The following OR3A2 variants were observed in gnomAD, a reference collection of about 807,000 sequenced individuals.
OR3A2 encodes the protein olfactory receptor family 3 subfamily A member 2.
For missense variants in OR3A2, 318 were observed against 392.8 expected (o/e 0.81, Z 1.61); for synonymous variants, 126 against 159.3 (o/e 0.79, Z 1.57).
At position 3,378,779 on chromosome 17, in the gene OR3A2, G is replaced by A. The variant is rs79581423; in HGVS notation, c.-179+5025C>T. ...TCTTGTTTAAATACCACTTCCCCCC[G>A]GAAGTTCTCCCTGAACACTCAAGCC... On this transcript the variant is annotated intron_variant, in intron 2 of 4. Transcript: ENST00000573491. 9.1e-3 allele frequency among the ~76,000 whole-genome samples: 1,384 copies of A among 152,170 alleles called. 24 individuals are homozygous for A. The highest frequency in any genetic ancestry group is 0.031 in the African/African-American group (1,294 of 41,498).
intron 2 of OR3A2, among the ~76,000 whole-genome samples, chr17:3,361,119 G>C (rs1441064144): frequency 6.6e-6 from 1 of 151,312 alleles, no homozygotes; most frequent in African/African-American, 2.5e-5. Flanking sequence ...AGTTCTCCTT[G>C]AAGAGGTCCT....
intron 3 of OR3A2, among the ~76,000 whole-genome samples, chr17:3,306,752 T>C (rs1279770570): frequency 6.9e-6 from 1 of 144,016 alleles, no homozygotes; most frequent in Non-Finnish European, 1.5e-5. Flanking sequence ...AAACCACTAA[T>C]ATCTTCAAAA....
intron 3 of OR3A2, among the ~76,000 whole-genome samples, chr17:3,317,362 C>T (rs1453304294): frequency 1.3e-5 from 2 of 152,146 alleles, no homozygotes; most frequent in African/African-American, 4.8e-5. Context: ...GAAAGGGTTA[C>T]CTTTATTTGG....
intron 2 of OR3A2, chr17:3,377,526 G>A (rs230403): frequency 0.4 from 60,707 of 151,930 alleles, 12,533 homozygotes; most frequent in Admixed American, 0.51. Context: ...ATTTATCCCC[G>A]AAGACTCCTT....
intron 3 of OR3A2, among the ~76,000 whole-genome samples, chr17:3,323,628 G>C (rs981510806): frequency 6.6e-6 from 1 of 151,962 alleles, no homozygotes; most frequent in Non-Finnish European, 1.5e-5. Flanking sequence ...GCTTAGTTTG[G>C]CTGGATATGA....
chr17:3,302,282 C>A (rs2048971632), intron 3 of OR3A2, among the ~76,000 whole-genome samples: 1 of 152,138 alleles, frequency 6.6e-6, no homozygotes, highest in Non-Finnish European at 1.5e-5. Flanking sequence ...GCGCACATTG[C>A]CAAGACATTC....
intron 2 of OR3A2, among the ~76,000 whole-genome samples, chr17:3,367,866 C>G (rs2049577878): frequency 6.6e-6 from 1 of 151,934 alleles, no homozygotes; most frequent in Non-Finnish European, 1.5e-5. Flanking sequence ...CTCCCACCAA[C>G]AGTGTTCCCT....
At chr17:3,375,100 C>T (rs2049668476) in intron 2 of OR3A2, among the ~76,000 whole-genome samples, 1 of 120,022 alleles carries the variant, frequency 8.3e-6, no homozygotes, top group Non-Finnish European at 1.7e-5. Context: ...TAATAGTCAA[C>T]CTTCTGAATT....
chr17:3,280,184 G>A (rs1047420192), intron 1 of OR3A2, among the ~76,000 whole-genome samples: 7 of 152,044 alleles, frequency 4.6e-5, no homozygotes, highest in Non-Finnish European at 1.0e-4. Context: ...CCTTGACTTA[G>A]GCACGGTAGG....
intron 2 of OR3A2, among the ~76,000 whole-genome samples, chr17:3,377,249 C>T (rs1327143499): frequency 2.6e-5 from 4 of 152,134 alleles, no homozygotes; most frequent in Non-Finnish European, 4.4e-5. Flanking sequence ...GTCTCCTAAC[C>T]GCCATTTTCC....
chr17:3,301,409 T>C (rs1051757672), intron 3 of OR3A2, among the ~76,000 whole-genome samples: 2 of 152,174 alleles, frequency 1.3e-5, no homozygotes, highest in Non-Finnish European at 2.9e-5. Flanking sequence ...TGGTATCTCA[T>C]TGTGGTTTTG....
chr17:3,284,998 C>T (rs1016717810), upstream of OR3A2, among the ~76,000 whole-genome samples: 13 of 152,154 alleles, frequency 8.5e-5, no homozygotes, highest in South Asian at 6.2e-4. Flanking sequence ...GCTTTCTCTC[C>T]TGGGGACTTG....
intron 2 of OR3A2, among the ~76,000 whole-genome samples, chr17:3,350,385 T>A (rs1024916668): frequency 1.3e-5 from 2 of 149,060 alleles, no homozygotes; most frequent in African/African-American, 4.9e-5. Flanking sequence ...CAAACTACCA[T>A]CAGAGAATAC....
Position 3,325,285 on chromosome 17 carries a change from C to G in OR3A2, c.-85+10748G>C, listed in dbSNP as rs1009656365. On this transcript the variant is annotated intron_variant, in intron 3 of 4. Transcript: ENST00000573491. ...AGTGCAGTGGTGCAATCTCAACTCACTGCAACCTCCACCTCCCAGGTTCAA... is the reference window on the plus strand; with the variant it reads ...AGTGCAGTGGTGCAATCTCAACTCAGTGCAACCTCCACCTCCCAGGTTCAA... 8.8e-5 allele frequency among the ~76,000 whole-genome samples: 13 copies of G among 148,370 alleles called. No homozygotes were observed. The Admixed American group carries it at 8.9e-4, about 10-fold the overall frequency.
At chr17:3,362,803 C>T (rs2049529450) in intron 2 of OR3A2, among the ~76,000 whole-genome samples, 1 of 151,730 alleles carries the variant, frequency 6.6e-6, no homozygotes, top group Admixed American at 6.6e-5. Context: ...TTCCATACAT[C>T]CTCTGAAATC....
rs570346694 is a variant in OR3A2, at chr17:3,378,045, G to A, written c.-179+5759C>T. On this transcript the variant is annotated intron_variant, in intron 2 of 4. Transcript: ENST00000573491. Reference sequence around the variant, plus strand: ...GGCTGAATGGTCATCAATGAGGTTCGCACACCAGGCTGCTGACTTCACCTG... The same window carrying A: ...GGCTGAATGGTCATCAATGAGGTTCACACACCAGGCTGCTGACTTCACCTG... Among the ~76,000 whole-genome samples, 7 of 152,328 alleles carry A rather than the reference G, an allele frequency of 4.6e-5. 1 individual carries two copies. The highest frequency in any genetic ancestry group is 9.6e-5 in the African/African-American group (4 of 41,568).
intron 2 of OR3A2, among the ~76,000 whole-genome samples, chr17:3,380,640 T>C (rs1420988446): frequency 6.6e-6 from 1 of 151,994 alleles, no homozygotes; most frequent in African/African-American, 2.4e-5. Flanking sequence ...CAGAAGGAAG[T>C]AGAGGAGAAG....
chr17:3,349,586 G>A (rs538509126), intron 2 of OR3A2, among the ~76,000 whole-genome samples: 1 of 152,038 alleles, frequency 6.6e-6, no homozygotes, highest in Non-Finnish European at 1.5e-5. Context: ...AATAATAGGA[G>A]ACTTTAACAC....
chr17:3,361,976 G>T (rs1387625322), intron 2 of OR3A2, among the ~76,000 whole-genome samples: 1 of 151,674 alleles, frequency 6.6e-6, no homozygotes, highest in Admixed American at 6.6e-5. Context: ...GATTGGAATA[G>T]TTTCAGAAGG....
Sources: gnomAD v4.1 joint callset for allele counts (sites outside exome capture counted in the v4.1 genomes callset) on GRCh38, gnomAD v4.1.1 for gene constraint, MANE v1.5 for transcripts, NCBI Gene and HGNC (gene_info 2026-07-23, HGNC 2026-07-21) for gene names.